The following NKAIN3 variants were observed in gnomAD, a reference collection of about 807,000 sequenced individuals.
The protein encoded by NKAIN3 is sodium/potassium-transporting ATPase subunit beta-1-interacting protein 3.
Under a neutral mutation model 30.2 loss-of-function variants are expected in NKAIN3, and 25 were observed. That is an observed-to-expected ratio of 0.83 (90% CI 0.60 to 1.16). NKAIN3 has a LOEUF of 1.16. Ranked by LOEUF, NKAIN3 falls within the 50% of genes most tolerant of loss-of-function variation. The pLI is 0.00. For synonymous variants in NKAIN3, 91 were observed against 89.6 expected, an observed-to-expected ratio of 1.02 and a Z score of -0.09; for missense variants, 225 against 254.1, an observed-to-expected ratio of 0.89 and a Z score of 0.78.
downstream of NKAIN3, among the ~76,000 whole-genome samples, chr8:62,987,203 A>G (rs1824219371): frequency 6.6e-6 from 1 of 152,072 alleles, no homozygotes; most frequent in South Asian, 2.1e-4. Flanking sequence ...CCTGGCCAAC[A>G]TGACAAGACC....
intron 3 of NKAIN3, among the ~76,000 whole-genome samples, chr8:62,654,185 T>C (rs548592756): frequency 7.3e-5 from 11 of 150,494 alleles, no homozygotes; most frequent in African/African-American, 2.4e-4. Context: ...AAAACTACAA[T>C]TGAGTTCATA....
Position 62,974,036 on chromosome 8 carries a change from GT to G in NKAIN3, c.*8630del, listed in dbSNP as rs1231685377. ...TGCATTGGTCTATATATCTGTTTTA[GT>G]AAAAGTACCATGTTGTTTTGGTTAC... On this transcript the variant is annotated 3_prime_UTR_variant, in exon 7 of 7. Transcript: ENST00000623646. Among the ~76,000 whole-genome samples the G allele has an allele frequency of 1.3e-5, 2 of 152,148 alleles. No individual in the cohort carries two copies. The highest frequency in any genetic ancestry group is 4.8e-5 in the African/African-American group (2 of 41,442).
At chr8:62,506,906 C>G (rs929982682) in intron 1 of NKAIN3, among the ~76,000 whole-genome samples, 3 of 152,102 alleles carry the variant, frequency 2.0e-5, no homozygotes, top group Admixed American at 6.6e-5. Flanking sequence ...ATGCATTTCT[C>G]GACACCTGAT....
intron 3 of NKAIN3, among the ~76,000 whole-genome samples, chr8:62,594,887 T>C (rs1454616577): frequency 6.6e-6 from 1 of 151,722 alleles, no homozygotes; most frequent in Non-Finnish European, 1.5e-5. Flanking sequence ...GTAAGGGTTC[T>C]TTTTGGTTAG....
At position 62,973,090 on chromosome 8, in the gene NKAIN3, G is replaced by C. The variant is rs564401779; in HGVS notation, c.*7683G>C. On this transcript the variant is annotated 3_prime_UTR_variant, in exon 7 of 7. Coordinates refer to ENST00000623646, the MANE Select transcript of NKAIN3 (RefSeq NM_001304533.3). Reference sequence around the variant, plus strand: ...CTAACATTGATGGGCATTTGGGTTGGTTCCAAGTCTTTGCTATTGTGAATA... The same window carrying C: ...CTAACATTGATGGGCATTTGGGTTGCTTCCAAGTCTTTGCTATTGTGAATA... Among the ~76,000 whole-genome samples, 2 of 152,142 alleles carry C rather than the reference G, an allele frequency of 1.3e-5. No individual in the cohort carries two copies. Among genetic ancestry groups the C allele is most frequent in the Non-Finnish European group, 2.9e-5 (2 of 68,032 alleles).
intron 1 of NKAIN3, among the ~76,000 whole-genome samples, chr8:62,526,380 A>G (rs1808305450): frequency 6.6e-6 from 1 of 152,136 alleles, no homozygotes; most frequent in Non-Finnish European, 1.5e-5. Flanking sequence ...CAAAATTTCC[A>G]TTATAGCAAG....
intron 4 of NKAIN3, among the ~76,000 whole-genome samples, chr8:62,783,715 A>G (rs1232567223): frequency 6.6e-6 from 1 of 151,342 alleles, no homozygotes; most frequent in Non-Finnish European, 1.5e-5. Flanking sequence ...GGCTCAAGCA[A>G]TCCTCTGGCC....
chr8:62,307,604 G>C lies in NKAIN3; in HGVS notation c.54+58477G>C, dbSNP rs115614407. On this transcript the variant is annotated intron_variant, in intron 1 of 6. Coordinates refer to ENST00000623646, the MANE Select transcript of NKAIN3 (RefSeq NM_001304533.3). ...GCATGAATTCAGTTTAACTCCACAT[G>C]TATGTTTTGTGCCTCTCTTGTGCAC... 9.8e-3 allele frequency among the ~76,000 whole-genome samples: 1,469 copies of C among 150,646 alleles called. 147 individuals are homozygous for C. Among genetic ancestry groups the C allele is most frequent in the African/African-American group, 0.035 (1,382 of 40,030 alleles).
At chr8:62,529,515 T>C (rs1808421870) in intron 1 of NKAIN3, among the ~76,000 whole-genome samples, 1 of 152,042 alleles carries the variant, frequency 6.6e-6, no homozygotes, top group African/African-American at 2.4e-5. Flanking sequence ...ATGGGATTAG[T>C]GCCTTGTAAA....
At chr8:62,325,947 CTG>C (rs1193989637) in intron 1 of NKAIN3, among the ~76,000 whole-genome samples, 2 of 151,950 alleles carry the variant, frequency 1.3e-5, no homozygotes, top group Admixed American at 1.3e-4. Context: ...CTTTCCCACT[CTG>C]TGGGTAGTCT....
Position 62,983,260 on chromosome 8 carries a change from C to T in NKAIN3, c.*17853C>T, listed in dbSNP as rs1286042064. 1 of 152,126 alleles carries T rather than the reference C, an allele frequency of 6.6e-6. No homozygotes were observed. Among genetic ancestry groups the T allele is most frequent in the East Asian group, 1.9e-4 (1 of 5,182 alleles). The allele number at this position is 152,126 out of a possible 1,614,324, so 9.4% of individuals were successfully genotyped here. On this transcript the variant is annotated 3_prime_UTR_variant, in exon 7 of 7. Coordinates refer to ENST00000623646, the MANE Select transcript of NKAIN3 (RefSeq NM_001304533.3). ...ATAAAGCAAAAAAAACAGATTCTAC[C>T]CACCGGGAGCTCCTAGTCCAGTGGT...
At chr8:62,414,223 T>G (rs1199417278) in intron 1 of NKAIN3, among the ~76,000 whole-genome samples, 1 of 152,196 alleles carries the variant, frequency 6.6e-6, no homozygotes. Flanking sequence ...TGCTTTATTT[T>G]AAGCTGTATA....
chr8:62,661,717 G>A (rs757586069), intron 3 of NKAIN3, among the ~76,000 whole-genome samples: 12 of 152,148 alleles, frequency 7.9e-5, no homozygotes, highest in Non-Finnish European at 1.6e-4. Context: ...GCTTGGGCTC[G>A]TGTCCCCTGC....
At chr8:62,364,723 C>T (rs1816678171) in intron 1 of NKAIN3, among the ~76,000 whole-genome samples, 1 of 149,164 alleles carries the variant, frequency 6.7e-6, no homozygotes, top group Admixed American at 6.8e-5. Context: ...CCTGTAGTAC[C>T]AGCTACTCCT....
In NKAIN3 at chr8:62,752,984, T is replaced by C. The variant is rs112873691; in HGVS notation, c.471+5855T>C. 8.5e-3 allele frequency among the ~76,000 whole-genome samples: 1,300 copies of C among 152,300 alleles called. 6 individuals are homozygous for C. The highest frequency in any genetic ancestry group is 0.012 in the Non-Finnish European group (814 of 68,018). ...AGGGACAGTCAATCTGCTCCAAGAT[T>C]GTAACTCTATCTTTGAATTTGTTCT... On this transcript the variant is annotated intron_variant, in intron 4 of 6. Coordinates refer to ENST00000623646, the MANE Select transcript of NKAIN3 (RefSeq NM_001304533.3).
chr8:62,468,038 T>C (rs2129599867), intron 1 of NKAIN3, among the ~76,000 whole-genome samples: 1 of 152,270 alleles, frequency 6.6e-6, no homozygotes, highest in South Asian at 2.1e-4. Flanking sequence ...GTTTTTATTT[T>C]TAATTGAGTT....
chr8:62,532,788 C>T (rs1808528190), intron 1 of NKAIN3, among the ~76,000 whole-genome samples: 1 of 152,188 alleles, frequency 6.6e-6, no homozygotes. Flanking sequence ...TTCTCCCCCT[C>T]ACTCTAGGTT....
At chr8:62,421,063 A>G (rs16928883) in intron 1 of NKAIN3, among the ~76,000 whole-genome samples, 1 of 152,036 alleles carries the variant, frequency 6.6e-6, no homozygotes, top group Admixed American at 6.6e-5. Context: ...ACAACTTTGA[A>G]AAAGAAACAC....
rs1023699775 is a variant in NKAIN3 at position 62,282,023 on chromosome 8, T to C, written c.54+32896T>C. On this transcript the variant is annotated intron_variant, in intron 1 of 6. Transcript: ENST00000623646. ...TTTTTTTTTAATTTTCTCCATGTTTTATTTTCCTCCTGGATCTCTCTCGAG... is the reference window on the plus strand; with the variant it reads ...TTTTTTTTTAATTTTCTCCATGTTTCATTTTCCTCCTGGATCTCTCTCGAG... Among the ~76,000 whole-genome samples the C allele has an allele frequency of 2.0e-5, 3 of 152,078 alleles. No homozygotes were observed. The Middle Eastern group carries it at 0.01, about 517-fold the overall frequency.
Sources: gnomAD v4.1 joint callset for allele counts (sites outside exome capture counted in the v4.1 genomes callset) on GRCh38, gnomAD v4.1.1 for gene constraint, MANE v1.5 for transcripts, NCBI Gene and HGNC (gene_info 2026-07-23, HGNC 2026-07-21) for gene names.